Variants in MED22 observed in about 807,000 individuals in gnomAD.
The protein encoded by MED22 is mediator of RNA polymerase II transcription subunit 22.
Under a neutral mutation model 22.7 loss-of-function variants are expected in MED22, and 22 were observed. The ratio of observed to expected loss-of-function variants is 0.97; its 90% CI spans 0.69 to 1.38. MED22 has a LOEUF of 1.38. Among genes scored for constraint, MED22 ranks in the 40% most tolerant of loss-of-function variants. The probability of loss-of-function intolerance (pLI) is 0.00; values close to 1 mark genes in which losing one functional copy is unlikely to be tolerated. For synonymous variants in MED22, 134 were observed against 119.4 expected (o/e 1.12, Z -0.80); for missense variants, 247 against 263.0 (o/e 0.94, Z 0.42).
In MED22 at chr9:133,341,189, C is replaced by A. The variant is rs1326017604; in HGVS notation, c.*316G>T. ...AGGACTCCCCGAAATCAGGCACCCT[C>A]CTGCCCCACTGCTGAGATCCCCAAC... On this transcript the variant is annotated 3_prime_UTR_variant, in exon 5 of 5. Coordinates refer to ENST00000343730, the MANE Select transcript of MED22 (RefSeq NM_133640.5). 6 of 264,818 alleles carry A rather than the reference C, an allele frequency of 2.3e-5. No individual in the cohort carries two copies. The highest frequency in any genetic ancestry group is 4.3e-5 in the Non-Finnish European group (6 of 141,032). 16.4% of individuals were successfully genotyped at this position (264,818 alleles called of 1,614,324 possible).
chr9:133,348,129 A>C lies in MED22; in HGVS notation c.-246T>G. 1 of 1,435,052 alleles carries C rather than the reference A, an allele frequency of 7.0e-7. No homozygotes were observed. The highest frequency in any genetic ancestry group is 9.8e-7 in the Non-Finnish European group (1 of 1,018,728). 88.9% of individuals were successfully genotyped at this position (1,435,052 alleles called of 1,614,324 possible). A position where few individuals can be genotyped will look rare whatever the true frequency, so the allele number is the denominator to read the frequency against. On this transcript the variant is annotated 5_prime_UTR_variant, in exon 1 of 5. The change creates a new upstream start codon in the 5' untranslated region. Coordinates refer to ENST00000343730, the MANE Select transcript of MED22 (RefSeq NM_133640.5). ...CCGCCTCGATTTTTAGCTTTATAGG[A>C]ATGCTGTTGCTTTAAATCCGAAATC...
chr9:133,338,966 G>A lies in MED22; in HGVS notation c.*2539C>T, dbSNP rs2129941929. On this transcript the variant is annotated 3_prime_UTR_variant, in exon 5 of 5. Transcript: ENST00000343730. ...GCATAAAAGCCTTTCAGCTGGAACCGCCACCTTCCAGTAATTCGCCAAAAT... is the reference window on the plus strand; with the variant it reads ...GCATAAAAGCCTTTCAGCTGGAACCACCACCTTCCAGTAATTCGCCAAAAT... 4.1e-5 allele frequency: 28 copies of A among 682,556 alleles called. No homozygotes were observed. The highest frequency in any genetic ancestry group is 5.9e-5 in the Non-Finnish European group (22 of 370,234). 42.3% of individuals were successfully genotyped at this position (682,556 alleles called of 1,614,324 possible).
At chr9:133,343,939 C>G (rs1836092645) in intron 4 of MED22, 186 bp downstream of exon 4, 25 of 1,444,796 alleles carry the variant, frequency 1.7e-5, no homozygotes, top group Non-Finnish European at 2.3e-5. Context: ...GCCCAGGGCC[C>G]TGGCATATGG....
chr9:133,339,915 A>C lies in MED22; in HGVS notation c.*1590T>G, dbSNP rs1208796173. 6.5e-6 allele frequency: 1 copy of C among 152,870 alleles called. No homozygotes were observed. The highest frequency in any genetic ancestry group is 1.5e-5 in the Non-Finnish European group (1 of 68,560). The allele number at this position is 152,870 out of a possible 1,614,324, so 9.5% of individuals were successfully genotyped here. A position where few individuals can be genotyped will look rare whatever the true frequency, so the allele number is the denominator to read the frequency against. On this transcript the variant is annotated 3_prime_UTR_variant, in exon 5 of 5. Transcript: ENST00000343730. ...TCAGCAGAGCGGCTTGGCTTTAAGAAGGAGAAATAACTTGATTTTCACATG... is the reference window on the plus strand; with the variant it reads ...TCAGCAGAGCGGCTTGGCTTTAAGACGGAGAAATAACTTGATTTTCACATG...
chr9:133,341,816 CCT>C (rs1405197082), intron 4 of MED22, 122 bp from the exon 5 acceptor site: 2 of 1,454,132 alleles, frequency 1.4e-6, no homozygotes, highest in Non-Finnish European at 1.8e-6. Context: ...CCTGCCTTTC[CCT>C]TTCTCCACTC....
chr9:133,338,880 G>C lies in MED22; in HGVS notation c.*2625C>G, dbSNP rs1835949040. 1 of 471,770 alleles carries C rather than the reference G, an allele frequency of 2.1e-6. No individual in the cohort carries two copies. The highest frequency in any genetic ancestry group is 4.2e-6 in the Non-Finnish European group (1 of 240,324). 29.2% of individuals were successfully genotyped at this position (471,770 alleles called of 1,614,324 possible). Reference sequence around the variant, plus strand: ...AGCAGGAGCCACTGGGCCTGACCTGGTCCTGTTTTAGATTTTAAGACTCCA... The same window carrying C: ...AGCAGGAGCCACTGGGCCTGACCTGCTCCTGTTTTAGATTTTAAGACTCCA... On this transcript the variant is annotated 3_prime_UTR_variant, in exon 5 of 5. Coordinates refer to ENST00000343730, the MANE Select transcript of MED22 (RefSeq NM_133640.5).
chr9:133,346,724 A>G, intron 1 of MED22, 24 bp from the exon 2 acceptor site: 2 of 1,580,934 alleles, frequency 1.3e-6, no homozygotes, highest in Non-Finnish European at 1.7e-6. Context: ...CAGACCTCTG[A>G]GTGCAGGCAG....
rs2129975938 is a variant in MED22 at position 133,348,071 on chromosome 9, G to A, written c.-188C>T. Reference sequence around the variant, plus strand: ...TCTCTTCCCCGCCGCGCCGCGGTCCGAAAACCTAGTCAGCCGCCGCAGCCT... The same window carrying A: ...TCTCTTCCCCGCCGCGCCGCGGTCCAAAAACCTAGTCAGCCGCCGCAGCCT... On this transcript the variant is annotated 5_prime_UTR_variant, in exon 1 of 5. Transcript: ENST00000343730. 2.4e-5 allele frequency: 22 copies of A among 935,484 alleles called. No individual in the cohort carries two copies. The highest frequency in any genetic ancestry group is 9.7e-5 in the Admixed American group (5 of 51,444). The allele number at this position is 935,484 out of a possible 1,614,324, so 57.9% of individuals were successfully genotyped here.
rs1049624932 is a variant in MED22 at position 133,348,111 on chromosome 9, G to A, written c.-228C>T. ...CGCCGCAGCCTCTCGGCCCCGCCTC[G>A]ATTTTTAGCTTTATAGGAATGCTGT... On this transcript the variant is annotated 5_prime_UTR_variant, in exon 1 of 5. Coordinates refer to ENST00000343730, the MANE Select transcript of MED22 (RefSeq NM_133640.5). The A allele has an allele frequency of 2.9e-6, 4 of 1,358,372 alleles. No individual in the cohort carries two copies. The highest frequency in any genetic ancestry group is 2.3e-5 in the East Asian group (1 of 43,132). 84.1% of individuals were successfully genotyped at this position (1,358,372 alleles called of 1,614,324 possible).
chr9:133,342,549 A>AGG (rs1836038829), intron 4 of MED22: 1 of 984,462 alleles, frequency 1.0e-6, no homozygotes, highest in African/African-American at 1.8e-5. Context: ...GCTCATGCGG[A>AGG]ACAGGGCAGG....
At chr9:133,347,014 C>T in intron 1 of MED22, 1 of 227,458 alleles carries the variant, frequency 4.4e-6, no homozygotes, top group Non-Finnish European at 8.8e-6. Flanking sequence ...CACCAGCTCC[C>T]CGTCCCCAGC....
At chr9:133,346,474 C>T (rs2129968271) in intron 2 of MED22, 66 bp downstream of exon 2, 3 of 1,597,610 alleles carry the variant, frequency 1.9e-6, no homozygotes, top group Admixed American at 3.3e-5. Context: ...CTGCTCAGCC[C>T]CTGGCCTCTC....
intron 4 of MED22, chr9:133,342,693 C>CACA: frequency 1.0e-6 from 1 of 985,904 alleles, no homozygotes; most frequent in Non-Finnish European, 1.2e-6. Context: ...TGTGAGGCCC[C>CACA]CCAGGGGGCG....
At position 133,339,164 on chromosome 9, in the gene MED22, G is replaced by A; in HGVS notation, c.*2341C>T. ...AGGAATGCCCCACAAATGTCACCATGGCTAGACTGGGAGAGTCTACAGTGT... is the reference window on the plus strand; with the variant it reads ...AGGAATGCCCCACAAATGTCACCATAGCTAGACTGGGAGAGTCTACAGTGT... On this transcript the variant is annotated 3_prime_UTR_variant, in exon 5 of 5. Coordinates refer to ENST00000343730, the MANE Select transcript of MED22 (RefSeq NM_133640.5). The A allele has an allele frequency of 2.9e-6, 2 of 681,874 alleles. No homozygotes were observed. The highest frequency in any genetic ancestry group is 2.7e-5 in the South Asian group (2 of 72,746). 42.2% of individuals were successfully genotyped at this position (681,874 alleles called of 1,614,324 possible).
chr9:133,340,052 C>T lies in MED22; in HGVS notation c.*1453G>A, dbSNP rs1485474588. Reference sequence around the variant, plus strand: ...ACCACAAAGTCTGGCCAGTTCCTTCCGGGCTCTCGCTTCATATATGCTTCC... The same window carrying T: ...ACCACAAAGTCTGGCCAGTTCCTTCTGGGCTCTCGCTTCATATATGCTTCC... On this transcript the variant is annotated 3_prime_UTR_variant, in exon 5 of 5. Transcript: ENST00000343730. The T allele has an allele frequency of 6.6e-6, 1 of 152,384 alleles. No individual in the cohort carries two copies. Among genetic ancestry groups the T allele is most frequent in the Non-Finnish European group, 1.5e-5 (1 of 68,176 alleles). 9.4% of individuals were successfully genotyped at this position (152,384 alleles called of 1,614,324 possible).
chr9:133,343,772 T>C (rs1764724968), intron 4 of MED22: 2 of 1,338,594 alleles, frequency 1.5e-6, no homozygotes, highest in Admixed American at 6.4e-5. Context: ...ATTCAGAAGG[T>C]AACAGGAGCA....
chr9:133,343,758 A>G, intron 4 of MED22: 1 of 1,324,320 alleles, frequency 7.6e-7, no homozygotes, highest in Non-Finnish European at 9.6e-7. Context: ...ATCTCTACAT[A>G]TGGATTCAGA....
In MED22 at chr9:133,345,335, C is replaced by G. The variant is rs1836150826; in HGVS notation, c.124-83G>C. 4.5e-6 allele frequency: 6 copies of G among 1,329,716 alleles called. No individual in the cohort carries two copies. The South Asian group carries it at 6.2e-5, about 14-fold the overall frequency. The allele number at this position is 1,329,716 out of a possible 1,614,324, so 82.4% of individuals were successfully genotyped here. A position where few individuals can be genotyped will look rare whatever the true frequency, so the allele number is the denominator to read the frequency against. On this transcript the variant is annotated intron_variant, in intron 2 of 4. Coordinates refer to ENST00000343730, the MANE Select transcript of MED22 (RefSeq NM_133640.5). The stretch of plus-strand genomic sequence containing the variant: ...CCCGGCCCAGCCCAGCTTACGGTAA[C>G]TGTCATCTACCCAGGATGTCCACAC...
chr9:133,342,756 C>T lies in MED22; in HGVS notation c.414-1062G>A, dbSNP rs2129954813. ...GGGACACAGGCTGGCCTGGAAGCCC[C>T]GCTGGGTGAAGCTGAGGGACTGTTG... On this transcript the variant is annotated intron_variant, in intron 4 of 4. Transcript: ENST00000343730. 59 of 985,904 alleles carry T rather than the reference C, an allele frequency of 6.0e-5. No individual in the cohort carries two copies. The African/African-American group carries it at 6.5e-4, about 11-fold the overall frequency. 61.1% of individuals were successfully genotyped at this position (985,904 alleles called of 1,614,324 possible).
Sources: allele counts gnomAD v4.1 joint callset, GRCh38; gene constraint gnomAD v4.1.1; transcripts MANE v1.5; gene names NCBI Gene and HGNC (gene_info 2026-07-23, HGNC 2026-07-21).